PPP2R5A: variants seen among roughly 807,000 people sequenced by gnomAD.
PPP2R5A encodes serine/threonine-protein phosphatase 2A 56 kDa regulatory subunit alpha isoform.
A neutral mutation model predicts 64.2 loss-of-function variants in PPP2R5A; 25 were observed. That is an observed-to-expected ratio of 0.39 (90% CI 0.28 to 0.54). The LOEUF (loss-of-function observed/expected upper bound fraction) is 0.54, where lower values mean the gene tolerates loss of function less well. PPP2R5A is among the 20% of genes least tolerant of loss of function. The pLI is 0.67. For synonymous variants in PPP2R5A, 198 were observed against 201.2 expected, an observed-to-expected ratio of 0.98 and a Z score of 0.13; for missense variants, 425 against 576.3, an observed-to-expected ratio of 0.74 and a Z score of 2.69.
At chr1:212,330,845 A>C (rs1383792132) in intron 2 of PPP2R5A, among the ~76,000 whole-genome samples, 1 of 151,964 alleles carries the variant, frequency 6.6e-6, no homozygotes, top group East Asian at 1.9e-4. Flanking sequence ...GAGAGAATAA[A>C]AGCCTTCAAA....
At chr1:212,324,140 A>G (rs1659365948) in intron 1 of PPP2R5A, among the ~76,000 whole-genome samples, 1 of 152,186 alleles carries the variant, frequency 6.6e-6, no homozygotes, top group South Asian at 2.1e-4. Flanking sequence ...GGGCTATGTA[A>G]TGAGAAATTC....
At chr1:212,353,108 A>G (rs542163269) in intron 8 of PPP2R5A, among the ~76,000 whole-genome samples, 1 of 152,312 alleles carries the variant, frequency 6.6e-6, no homozygotes, top group East Asian at 1.9e-4. Flanking sequence ...CAGATGGGGA[A>G]GGATCTGCTT....
intron 1 of PPP2R5A, among the ~76,000 whole-genome samples, chr1:212,302,430 T>A (rs1658814788): frequency 6.6e-6 from 1 of 152,218 alleles, no homozygotes; most frequent in African/African-American, 2.4e-5. Context: ...ACTAGTGGAT[T>A]CTGTGTATGT....
intron 3 of PPP2R5A, among the ~76,000 whole-genome samples, chr1:212,341,360 T>G (rs187874789): frequency 6.6e-6 from 1 of 152,310 alleles, no homozygotes; most frequent in East Asian, 1.9e-4. Context: ...ATATGCCTGG[T>G]TTTGATTTAA....
At chr1:212,322,945 C>A (rs186315181) in intron 1 of PPP2R5A, among the ~76,000 whole-genome samples, 8 of 152,000 alleles carry the variant, frequency 5.3e-5, no homozygotes, top group Non-Finnish European at 1.2e-4. Context: ...GCCACCATGC[C>A]CGGCTAATTT....
chr1:212,331,167 CAAAA>C (rs10712005), intron 2 of PPP2R5A, among the ~76,000 whole-genome samples: 16 of 112,150 alleles, frequency 1.4e-4, no homozygotes, highest in Admixed American at 2.7e-4. Flanking sequence ...GACCTTGTCT[CAAAA>C]AAAAAAAAAA....
At position 212,358,769 on chromosome 1, in the gene PPP2R5A, A is replaced by G; in HGVS notation, c.1310A>G (p.Tyr437Cys). The change falls in exon 12 of 13, where the codon TAC (tyrosine) becomes TGC (cysteine). Residue 437 changes from tyrosine (Y) to cysteine (C), a missense_variant. Around this residue, in one of 4 missense-constraint regions of PPP2R5A, gnomAD observed 177 missense variants for 244.8 expected, o/e 0.72. Transcript: ENST00000261461. Reference sequence around the variant, plus strand: ...CTTTTCGATGACCTTACTAGCTCATACAAAGCTGAAAGACAGAGGTATTTG... The same window carrying G: ...CTTTTCGATGACCTTACTAGCTCATGCAAAGCTGAAAGACAGAGGTATTTG... ...GKLFDDLTSS[Y>C]KAERQREKKK... is the part of the protein sequence containing the mutation. 6.2e-7 allele frequency: 1 copy of G among 1,612,680 alleles called. No homozygotes were observed. The highest frequency in any genetic ancestry group is 8.5e-7 in the Non-Finnish European group (1 of 1,178,924).
intron 12 of PPP2R5A, among the ~76,000 whole-genome samples, chr1:212,359,443 AG>A (rs1202486047): frequency 6.6e-6 from 1 of 152,232 alleles, no homozygotes; most frequent in East Asian, 1.9e-4. Context: ...ATCAGCCTTT[AG>A]GAACATGGCC....
chr1:212,294,689 T>A (rs901507507), intron 1 of PPP2R5A, among the ~76,000 whole-genome samples: 4 of 152,354 alleles, frequency 2.6e-5, no homozygotes, highest in African/African-American at 9.6e-5. Context: ...ATTTAATGTC[T>A]TTAGGAGTTT....
intron 12 of PPP2R5A, 106 bp from the exon 13 acceptor site, chr1:212,360,532 A>G: frequency 1.0e-6 from 1 of 990,486 alleles, no homozygotes; most frequent in Non-Finnish European, 1.4e-6. Context: ...AGAGGGATTT[A>G]AGTGAAATGT....
chr1:212,291,326 C>T (rs1438641744), intron 1 of PPP2R5A, among the ~76,000 whole-genome samples: 1 of 152,130 alleles, frequency 6.6e-6, no homozygotes, highest in Non-Finnish European at 1.5e-5. Context: ...AGGTGTTCTG[C>T]CTGCCTTGGC....
chr1:212,319,398 T>C (rs1387003127), intron 1 of PPP2R5A: 3 of 152,232 alleles, frequency 2.0e-5, no homozygotes, highest in African/African-American at 7.2e-5. Context: ...GGTGAGCAAG[T>C]TGTCACCGTA....
chr1:212,313,579 G>A (rs182687878), intron 1 of PPP2R5A, among the ~76,000 whole-genome samples: 17 of 149,492 alleles, frequency 1.1e-4, no homozygotes, highest in African/African-American at 3.2e-4. Context: ...TAGTTCTTTC[G>A]GAACTAATTT....
intron 3 of PPP2R5A, among the ~76,000 whole-genome samples, chr1:212,336,415 CA>C (rs1433783251): frequency 1.3e-5 from 2 of 151,992 alleles, no homozygotes; most frequent in African/African-American, 4.8e-5. Context: ...GTGTCCAGCC[CA>C]AAATACGATT....
At position 212,322,264 on chromosome 1, in the gene PPP2R5A, A is replaced by G. The variant is rs1406116414; in HGVS notation, c.182-6871A>G. On this transcript the variant is annotated intron_variant, in intron 1 of 12. Transcript: ENST00000261461. The stretch of plus-strand genomic sequence containing the variant: ...GGAGAGGAGGGAGAGGGAGAGGGAG[A>G]GGAGGGAGAGGGAGAGGAGGGAGAG... Among the ~76,000 whole-genome samples the G allele has an allele frequency of 5.2e-4, 16 of 30,936 alleles. 1 individual carries two copies. The highest frequency in any genetic ancestry group is 2.7e-3 in the African/African-American group (7 of 2,618). 20.3% of individuals were successfully genotyped at this position (30,936 alleles called of 152,430 possible). A position where few individuals can be genotyped will look rare whatever the true frequency, so the allele number is the denominator to read the frequency against.
chr1:212,290,904 C>T (rs1211864837), intron 1 of PPP2R5A, among the ~76,000 whole-genome samples: 1 of 152,096 alleles, frequency 6.6e-6, no homozygotes, highest in African/African-American at 2.4e-5. Flanking sequence ...GATAAAATAA[C>T]AAAGATGAAT....
In PPP2R5A at chr1:212,285,714, T is replaced by C. The variant is rs540330046; in HGVS notation, c.-397T>C. 307 of 162,808 alleles carry C rather than the reference T, an allele frequency of 1.9e-3. 4 individuals carry two copies. The highest frequency in any genetic ancestry group is 7.0e-3 in the African/African-American group (294 of 41,998). 10.1% of individuals were successfully genotyped at this position (162,808 alleles called of 1,614,324 possible). A position where few individuals can be genotyped will look rare whatever the true frequency, so the allele number is the denominator to read the frequency against. ...GCCGCTGAGGTGCTGGCCGGCCGGC[T>C]GGCTGGCGACGGGGGCAGAAGCGAC... On this transcript the variant is annotated 5_prime_UTR_variant, in exon 1 of 13. Transcript: ENST00000261461.
chr1:212,358,768 T>C lies in PPP2R5A; in HGVS notation c.1309T>C (p.Tyr437His). ...GKLFDDLTSS[Y>H]KAERQREKKK... ...GCTTTTCGATGACCTTACTAGCTCA[T>C]ACAAAGCTGAAAGACAGAGGTATTT... Residue 437 changes from tyrosine to histidine, a missense_variant, in exon 12 of 13, where the codon TAC becomes CAC. Physicochemically the swap from Tyr to His is moderately conservative, Grantham distance 83. Coordinates refer to ENST00000261461, the MANE Select transcript of PPP2R5A (RefSeq NM_006243.4). 6.2e-7 allele frequency: 1 copy of C among 1,612,792 alleles called. No homozygotes were observed. The highest frequency in any genetic ancestry group is 8.5e-7 in the Non-Finnish European group (1 of 1,179,066).
intron 5 of PPP2R5A, 90 bp from the exon 6 acceptor site, chr1:212,347,257 C>T: frequency 1.1e-6 from 1 of 928,148 alleles, no homozygotes; most frequent in Admixed American, 2.4e-5. Context: ...AATAGCTGTC[C>T]TTTGGATTGA....
Sources: gnomAD v4.1 joint callset for allele counts (sites outside exome capture counted in the v4.1 genomes callset) on GRCh38, gnomAD v4.1.1 for gene constraint, gnomAD v4.1.1 regional missense constraint, MANE v1.5 for transcripts, NCBI Gene and HGNC (gene_info 2026-07-23, HGNC 2026-07-21) for gene names.